The following RPS6KA5 variants were observed in gnomAD, a reference collection of about 807,000 sequenced individuals.
The protein encoded by RPS6KA5 is ribosomal protein S6 kinase alpha-5.
RPS6KA5 carries 27 observed loss-of-function variants against 85.5 expected under a neutral mutation model. The ratio of observed to expected loss-of-function variants is 0.32; its 90% CI spans 0.23 to 0.44. The LOEUF is 0.44. Ranked by LOEUF, RPS6KA5 falls within the 20% of genes least tolerant of loss-of-function variation. The pLI is 1.00. For synonymous variants in RPS6KA5, 334 were observed against 348.2 expected, an observed-to-expected ratio of 0.96 and a Z score of 0.46; for missense variants, 811 against 980.9, an observed-to-expected ratio of 0.83 and a Z score of 2.31.
intron 1 of RPS6KA5, among the ~76,000 whole-genome samples, chr14:91,023,735 T>G (rs1190599285): frequency 6.7e-6 from 1 of 148,800 alleles, no homozygotes; most frequent in Non-Finnish European, 1.5e-5. Flanking sequence ...TTTTAAGAAG[T>G]TGGATGCCAA....
rs202093832 is a variant in RPS6KA5 at position 90,952,383 on chromosome 14, C to T, written c.395-4833G>A. Among the ~76,000 whole-genome samples, 4 of 152,306 alleles carry T rather than the reference C, an allele frequency of 2.6e-5. No homozygotes were observed. In the East Asian group the frequency reaches 7.7e-4, roughly 29 times the overall value. On this transcript the variant is annotated intron_variant, in intron 3 of 16. Transcript: ENST00000614987. ...AACTTTACCCAGACCTGGGAATCTT[C>T]CCCCTCAGTACATTTAATTAATGAA...
chr14:91,004,969 C>CA (rs549756290), intron 1 of RPS6KA5, among the ~76,000 whole-genome samples: 5,619 of 132,986 alleles, frequency 0.042, 132 homozygotes, highest in African/African-American at 0.059. Context: ...GACTCCGTCT[C>CA]AAAAAAAAAA....
intron 3 of RPS6KA5, among the ~76,000 whole-genome samples, chr14:90,971,951 T>C (rs1258421020): frequency 1.3e-5 from 2 of 152,176 alleles, no homozygotes; most frequent in East Asian, 3.8e-4. Flanking sequence ...TAGCAGGATA[T>C]AGAACTAATA....
intron 1 of RPS6KA5, chr14:91,060,043 A>T: frequency 3.0e-6 from 3 of 985,350 alleles, no homozygotes; most frequent in Non-Finnish European, 3.6e-6. Flanking sequence ...GAGCAGCGAC[A>T]TCCTCGGAGG....
intron 16 of RPS6KA5, 142 bp from the exon 17 acceptor site, chr14:90,872,464 TTATATC>T: frequency 9.2e-7 from 1 of 1,089,944 alleles, no homozygotes; most frequent in African/African-American, 1.6e-5. Flanking sequence ...CTTAAAACCT[TTATATC>T]TAAGTCTATT....
intron 1 of RPS6KA5, among the ~76,000 whole-genome samples, chr14:91,031,077 A>G (rs191369863): frequency 6.6e-5 from 10 of 152,292 alleles, no homozygotes; most frequent in Admixed American, 3.9e-4. Flanking sequence ...GTAAAATTCC[A>G]AAATTCCAAA....
intron 5 of RPS6KA5, among the ~76,000 whole-genome samples, chr14:90,941,854 G>A (rs1374633624): frequency 6.6e-6 from 1 of 152,106 alleles, no homozygotes; most frequent in African/African-American, 2.4e-5. Flanking sequence ...ATCCTTGTGG[G>A]ATTTATTAAG....
chr14:90,916,907 A>T (rs2036147878), intron 7 of RPS6KA5, among the ~76,000 whole-genome samples: 1 of 152,232 alleles, frequency 6.6e-6, no homozygotes, highest in Non-Finnish European at 1.5e-5. Context: ...TGTGAACATT[A>T]CTTTGTTCAG....
chr14:91,043,085 G>A (rs1468324095), intron 1 of RPS6KA5, among the ~76,000 whole-genome samples: 3 of 152,138 alleles, frequency 2.0e-5, no homozygotes, highest in African/African-American at 7.2e-5. Flanking sequence ...CCATTAGGTA[G>A]TCAGTCAAAT....
At chr14:90,972,597 C>A (rs765513263) in intron 3 of RPS6KA5, among the ~76,000 whole-genome samples, 3 of 152,170 alleles carry the variant, frequency 2.0e-5, no homozygotes, top group Non-Finnish European at 4.4e-5. Context: ...ACGCCATCCA[C>A]ATGGATCCAA....
chr14:90,984,992 G>A (rs2039997219), intron 2 of RPS6KA5, among the ~76,000 whole-genome samples: 1 of 151,562 alleles, frequency 6.6e-6, no homozygotes, highest in African/African-American at 2.4e-5. Flanking sequence ...CCAGGCTGGA[G>A]TGCAATGGCA....
chr14:90,867,083 G>C lies in RPS6KA5; in HGVS notation c.*4991C>G, dbSNP rs1172622205. 2 of 152,132 alleles carry C rather than the reference G, an allele frequency of 1.3e-5. No individual in the cohort carries two copies. Among genetic ancestry groups the C allele is most frequent in the Non-Finnish European group, 2.9e-5 (2 of 68,026 alleles). The allele number at this position is 152,132 out of a possible 1,614,324, so 9.4% of individuals were successfully genotyped here. On this transcript the variant is annotated 3_prime_UTR_variant, in exon 17 of 17. Transcript: ENST00000614987. ...TTATGTAGTTAAAAATAAAACTGCA[G>C]TTTTAAAATGTCAAGTTCCTCAACC...
intron 7 of RPS6KA5, among the ~76,000 whole-genome samples, chr14:90,919,115 T>G (rs2036271049): frequency 6.6e-6 from 1 of 152,142 alleles, no homozygotes; most frequent in Admixed American, 6.5e-5. Context: ...TCTGCACACC[T>G]CTGGACTTCC....
At position 90,944,095 on chromosome 14, in the gene RPS6KA5, A is replaced by C. The variant is rs1180318536; in HGVS notation, c.511-910T>G. ...TCCCTCTGTTTTACTTTGCATTTATAAAACTTACTTTTTTGTAAGTTCTAT... is the reference window on the plus strand; with the variant it reads ...TCCCTCTGTTTTACTTTGCATTTATCAAACTTACTTTTTTGTAAGTTCTAT... On this transcript the variant is annotated intron_variant, in intron 4 of 16. Coordinates refer to ENST00000614987, the MANE Select transcript of RPS6KA5 (RefSeq NM_004755.4). 3.3e-5 allele frequency among the ~76,000 whole-genome samples: 5 copies of C among 152,236 alleles called. No homozygotes were observed. In the East Asian group the frequency reaches 7.7e-4, roughly 23 times the overall value.
intron 2 of RPS6KA5, among the ~76,000 whole-genome samples, chr14:90,994,993 T>C (rs1030646575): frequency 1.3e-5 from 2 of 152,234 alleles, no homozygotes; most frequent in Non-Finnish European, 2.9e-5. Flanking sequence ...TTGGGAACAC[T>C]ACCAATTCAT....
intron 8 of RPS6KA5, 109 bp downstream of exon 8, chr14:90,906,039 CA>C: frequency 9.4e-7 from 1 of 1,062,986 alleles, no homozygotes. Flanking sequence ...GTGAAAATGC[CA>C]GTGGAAAATG....
chr14:90,903,303 C>CA (rs1433716961), intron 8 of RPS6KA5, among the ~76,000 whole-genome samples: 1 of 152,022 alleles, frequency 6.6e-6, no homozygotes, highest in Non-Finnish European at 1.5e-5. Flanking sequence ...AAAAAGAAAA[C>CA]AAAAAACCCA....
intron 3 of RPS6KA5, among the ~76,000 whole-genome samples, chr14:90,976,024 A>G (rs1331014592): frequency 6.6e-6 from 1 of 152,170 alleles, no homozygotes; most frequent in African/African-American, 2.4e-5. Context: ...CCAATGACAA[A>G]GGCCAAAAGT....
chr14:91,033,115 A>T (rs1209763625), intron 1 of RPS6KA5, among the ~76,000 whole-genome samples: 1 of 150,972 alleles, frequency 6.6e-6, no homozygotes, highest in Non-Finnish European at 1.5e-5. Context: ...TGAACCTGGG[A>T]GGTGGAGCTT....
Sources: gnomAD v4.1 joint callset for allele counts (sites outside exome capture counted in the v4.1 genomes callset) on GRCh38, gnomAD v4.1.1 for gene constraint, MANE v1.5 for transcripts, NCBI Gene and HGNC (gene_info 2026-07-23, HGNC 2026-07-21) for gene names.